ROBO1: variants seen among roughly 807,000 people sequenced by gnomAD.
ROBO1 encodes roundabout homolog 1.
ROBO1 carries 149 observed loss-of-function variants against 195.9 expected under a neutral mutation model. The observed-to-expected ratio is 0.76, with a 90% CI of 0.67 to 0.87. The LOEUF is 0.87. Among genes scored for constraint, ROBO1 ranks in the 40% least tolerant of loss-of-function variants. ROBO1 has a pLI of 0.00. For missense variants in ROBO1, 1,933 were observed against 2,068.3 expected, an observed-to-expected ratio of 0.93 and a Z score of 1.27; for synonymous variants, 816 against 733.2, an observed-to-expected ratio of 1.11 and a Z score of -1.82.
intron 5 of ROBO1, among the ~76,000 whole-genome samples, chr3:78,732,019 G>A (rs1331851472): frequency 5.9e-5 from 9 of 152,086 alleles, no homozygotes; most frequent in East Asian, 1.9e-4. Flanking sequence ...TTTTAACGTC[G>A]AAAACATTCT....
intron 3 of ROBO1, among the ~76,000 whole-genome samples, chr3:79,014,049 A>G (rs1358526618): frequency 6.6e-6 from 1 of 152,198 alleles, no homozygotes; most frequent in Non-Finnish European, 1.5e-5. Flanking sequence ...AAACTGTTCA[A>G]TTGATTCATG....
chr3:78,745,366 C>T (rs1377007475), intron 5 of ROBO1, among the ~76,000 whole-genome samples: 1 of 149,526 alleles, frequency 6.7e-6, no homozygotes, highest in Non-Finnish European at 1.5e-5. Flanking sequence ...AATAGGTTAT[C>T]AGGAAAGGCA....
At chr3:79,099,554 T>G (rs1314277348) in intron 3 of ROBO1, among the ~76,000 whole-genome samples, 1 of 151,738 alleles carries the variant, frequency 6.6e-6, no homozygotes, top group Non-Finnish European at 1.5e-5. Flanking sequence ...TGTGATCAAA[T>G]TTTTGCCTTG....
At chr3:78,784,419 G>A (rs2083769457) in intron 4 of ROBO1, among the ~76,000 whole-genome samples, 1 of 152,166 alleles carries the variant, frequency 6.6e-6, no homozygotes, top group South Asian at 2.1e-4. Context: ...CACAGGCATT[G>A]AGTTCCATTG....
intron 1 of ROBO1, among the ~76,000 whole-genome samples, chr3:79,659,498 G>C (rs774898898): frequency 1.3e-5 from 2 of 151,830 alleles, no homozygotes; most frequent in Non-Finnish European, 2.9e-5. Context: ...AGCCAAGCAC[G>C]TTTCCTTATT....
chr3:79,143,270 A>G (rs887026204), intron 2 of ROBO1, among the ~76,000 whole-genome samples: 3 of 152,226 alleles, frequency 2.0e-5, no homozygotes, highest in African/African-American at 7.2e-5. Context: ...AAATTTGCCA[A>G]AAAAATATAA....
At chr3:78,923,404 A>G (rs1456771761) in intron 4 of ROBO1, among the ~76,000 whole-genome samples, 1 of 152,092 alleles carries the variant, frequency 6.6e-6, no homozygotes, top group Non-Finnish European at 1.5e-5. Flanking sequence ...TCTAAAGTGG[A>G]AAGGGACTGA....
chr3:79,569,508 T>C (rs964997288), intron 2 of ROBO1, among the ~76,000 whole-genome samples: 1 of 152,128 alleles, frequency 6.6e-6, no homozygotes, highest in Non-Finnish European at 1.5e-5. Context: ...TTCAATGTTT[T>C]CATGTATATT....
intron 1 of ROBO1, among the ~76,000 whole-genome samples, chr3:79,601,801 G>A (rs1317103740): frequency 6.6e-6 from 1 of 151,780 alleles, no homozygotes; most frequent in Non-Finnish European, 1.5e-5. Context: ...CTTTCATTTT[G>A]TACACAAATT....
At position 79,105,816 on chromosome 3, in the gene ROBO1, C is replaced by T. The variant is rs72894172; in HGVS notation, c.172+19640G>A. Among the ~76,000 whole-genome samples the T allele has an allele frequency of 8.1e-3, 1,235 of 151,706 alleles. 14 individuals are homozygous for T. The highest frequency in any genetic ancestry group is 0.028 in the African/African-American group (1,168 of 41,472). ...TGAAAGATGTGTTAACCAATTTCAGCGTAGTGTTGGTTTTGGCTACCAGTT... is the reference window on the plus strand; with the variant it reads ...TGAAAGATGTGTTAACCAATTTCAGTGTAGTGTTGGTTTTGGCTACCAGTT... On this transcript the variant is annotated intron_variant, in intron 3 of 30. Coordinates refer to ENST00000464233, the MANE Select transcript of ROBO1 (RefSeq NM_002941.4).
chr3:79,221,650 A>G (rs746217133), intron 2 of ROBO1, among the ~76,000 whole-genome samples: 1 of 152,120 alleles, frequency 6.6e-6, no homozygotes, highest in South Asian at 2.1e-4. Flanking sequence ...ATGTGCCACT[A>G]TACCACCTTA....
intron 3 of ROBO1, among the ~76,000 whole-genome samples, chr3:79,119,463 T>C (rs924928804): frequency 2.6e-5 from 4 of 152,190 alleles, no homozygotes; most frequent in African/African-American, 9.6e-5. Flanking sequence ...ATTTGCTTGC[T>C]TGCATATTTT....
intron 5 of ROBO1, among the ~76,000 whole-genome samples, chr3:78,720,995 G>A (rs1358682739): frequency 1.3e-5 from 2 of 150,780 alleles, no homozygotes; most frequent in East Asian, 1.9e-4. Flanking sequence ...TATACCTAAC[G>A]TAAATGATGA....
intron 4 of ROBO1, among the ~76,000 whole-genome samples, chr3:78,936,313 G>A (rs187185197): frequency 7.2e-4 from 109 of 152,086 alleles, no homozygotes; most frequent in Non-Finnish European, 1.4e-3. Context: ...ACATGAAAAT[G>A]TTTTGAAAGC....
At chr3:79,373,322 G>C (rs965524764) in intron 2 of ROBO1, among the ~76,000 whole-genome samples, 2 of 151,882 alleles carry the variant, frequency 1.3e-5, no homozygotes, top group Non-Finnish European at 2.9e-5. Context: ...CTCTTGAGGG[G>C]GTTCCTTGTC....
chr3:78,693,214 T>C (rs894516778), intron 8 of ROBO1: 17 of 1,211,594 alleles, frequency 1.4e-5, no homozygotes, highest in Non-Finnish European at 2.0e-5. Context: ...CAGTCTGTCT[T>C]TGTGGCCAAT....
chr3:79,408,189 G>A (rs552750422), intron 2 of ROBO1, among the ~76,000 whole-genome samples: 1 of 151,780 alleles, frequency 6.6e-6, no homozygotes, highest in African/African-American at 2.4e-5. Flanking sequence ...TTGCACTCCA[G>A]TCTGGTCAAC....
chr3:78,617,565 A>C, intron 27 of ROBO1, 70 bp downstream of exon 27: 1 of 1,472,022 alleles, frequency 6.8e-7, no homozygotes, highest in Non-Finnish European at 9.1e-7. Context: ...AGATCATAGG[A>C]CAGAATCAGC....
At chr3:79,250,441 C>A (rs2082698652) in intron 2 of ROBO1, among the ~76,000 whole-genome samples, 1 of 152,106 alleles carries the variant, frequency 6.6e-6, no homozygotes, top group African/African-American at 2.4e-5. Context: ...ACCAAAAGGA[C>A]TTTTTGTATA....
Sources: allele counts gnomAD v4.1 joint callset (sites outside exome capture counted in the v4.1 genomes callset), GRCh38; gene constraint gnomAD v4.1.1; transcripts MANE v1.5; gene names NCBI Gene and HGNC (gene_info 2026-07-23, HGNC 2026-07-21).